TRDN: variants seen among roughly 807,000 people sequenced by gnomAD.
TRDN encodes triadin, also known as triadin in skeletal muscle.
TRDN carries 161 observed loss-of-function variants against 149.7 expected under a neutral mutation model. The ratio of observed to expected loss-of-function variants is 1.08; its 90% CI spans 0.95 to 1.23. The LOEUF is 1.23. Ranked by LOEUF, TRDN falls within the 50% of genes most tolerant of loss-of-function variation. The probability of loss-of-function intolerance (pLI) is 0.00; values close to 1 mark genes in which losing one functional copy is unlikely to be tolerated. For synonymous variants in TRDN, 294 were observed against 250.5 expected (o/e 1.17, Z -1.64); for missense variants, 896 against 823.5 (o/e 1.09, Z -1.08).
chr6:123,266,665 G>GTATTATAATATA lies in TRDN; in HGVS notation c.1783+1041_1783+1042insTATATTATAATA, dbSNP rs1562237747. On this transcript the variant is annotated intron_variant, in intron 32 of 40. Transcript: ENST00000334268. Reference sequence around the variant, plus strand: ...TATATTATAATAATATGTATAATATGTATATATTATAATATATATGTAATA... The same window carrying GTATTATAATATA: ...TATATTATAATAATATGTATAATATGTATTATAATATATATATATTATAATATATATGTAATA... Among the ~76,000 whole-genome samples, 2 of 4,134 alleles carry GTATTATAATATA rather than the reference G, an allele frequency of 4.8e-4. 1 individual carries two copies. Among genetic ancestry groups the GTATTATAATATA allele is most frequent in the Non-Finnish European group, 7.3e-4 (2 of 2,738 alleles). 2.7% of individuals were successfully genotyped at this position (4,134 alleles called of 152,430 possible).
intron 9 of TRDN, among the ~76,000 whole-genome samples, chr6:123,465,339 G>A (rs1716811953): frequency 6.6e-6 from 1 of 151,822 alleles, no homozygotes. Context: ...GAAGCTGAGG[G>A]GGAATCTTAA....
intron 8 of TRDN, among the ~76,000 whole-genome samples, chr6:123,501,062 GTGTGTGTGTGTC>G (rs1381213733): frequency 3.3e-5 from 5 of 151,690 alleles, no homozygotes; most frequent in Non-Finnish European, 5.9e-5. Context: ...TTTGATGGGT[GTGTGTGTGTGTC>G]TGTGTGTGTG....
chr6:123,406,341 A>G (rs943858484), intron 12 of TRDN, among the ~76,000 whole-genome samples: 3 of 152,148 alleles, frequency 2.0e-5, no homozygotes, highest in African/African-American at 7.2e-5. Context: ...ACAGTGTTTA[A>G]AAAGTCTTTG....
At chr6:123,497,863 T>A (rs1184179219) in intron 8 of TRDN, among the ~76,000 whole-genome samples, 1 of 152,154 alleles carries the variant, frequency 6.6e-6, no homozygotes, top group Non-Finnish European at 1.5e-5. Flanking sequence ...ATGAGTAATC[T>A]TCTTAAGATC....
intron 1 of TRDN, among the ~76,000 whole-genome samples, chr6:123,615,749 G>A (rs1297328631): frequency 6.6e-6 from 1 of 152,166 alleles, no homozygotes; most frequent in Non-Finnish European, 1.5e-5. Context: ...AGGCTAGAAA[G>A]TGTGGGGATG....
intron 2 of TRDN, among the ~76,000 whole-genome samples, chr6:123,562,623 A>G (rs902416663): frequency 3.3e-5 from 5 of 152,230 alleles, no homozygotes; most frequent in Non-Finnish European, 5.9e-5. Flanking sequence ...ATTTTGTTAT[A>G]TCAGCCAAAA....
intron 1 of TRDN, among the ~76,000 whole-genome samples, chr6:123,582,302 G>A (rs1342991116): frequency 6.6e-6 from 1 of 152,088 alleles, no homozygotes; most frequent in Non-Finnish European, 1.5e-5. Context: ...TCAATAGACA[G>A]GTGTGTCTGG....
At chr6:123,412,684 G>GC (rs2114517679) in intron 12 of TRDN, among the ~76,000 whole-genome samples, 1 of 152,216 alleles carries the variant, frequency 6.6e-6, no homozygotes, top group African/African-American at 2.4e-5. Flanking sequence ...TGTAGGCTCA[G>GC]CTGGGAACTT....
intron 2 of TRDN, among the ~76,000 whole-genome samples, chr6:123,570,012 C>T (rs759800354): frequency 1.3e-5 from 2 of 152,120 alleles, no homozygotes; most frequent in African/African-American, 2.4e-5. Flanking sequence ...CATCTCCTGA[C>T]ACAAAGAATA....
chr6:123,265,458 A>G, intron 32 of TRDN, 120 bp from the exon 33 acceptor site: 1 of 579,604 alleles, frequency 1.7e-6, no homozygotes, highest in Non-Finnish European at 2.8e-6. Flanking sequence ...CTAAACTTAT[A>G]TCAACAATGA....
intron 9 of TRDN, among the ~76,000 whole-genome samples, chr6:123,479,062 A>T (rs1777626375): frequency 6.6e-6 from 1 of 152,212 alleles, no homozygotes; most frequent in Non-Finnish European, 1.5e-5. Flanking sequence ...TAAATGAGTG[A>T]GTAAACAAAT....
At position 123,464,883 on chromosome 6, in the gene TRDN, T is replaced by A. The variant is rs751478133; in HGVS notation, c.931+23A>T. On this transcript the variant is annotated intron_variant, in intron 10 of 40. Transcript: ENST00000334268. The stretch of plus-strand genomic sequence containing the variant: ...TCTATTTTATCTACAATAGAGATCT[T>A]TAAGAAAAAAAAAAGTACTTGCCTT... The A allele has an allele frequency of 1.9e-6, 3 of 1,559,102 alleles. No homozygotes were observed. In the Admixed American group the frequency reaches 5.8e-5, roughly 30 times the overall value.
intron 18 of TRDN, among the ~76,000 whole-genome samples, chr6:123,376,316 A>C (rs139140157): frequency 1.6e-3 from 246 of 152,308 alleles, no homozygotes; most frequent in African/African-American, 5.6e-3. Flanking sequence ...TCTGTAAAGT[A>C]GACAAAACAT....
intron 9 of TRDN, among the ~76,000 whole-genome samples, chr6:123,493,080 G>C (rs988310480): frequency 3.3e-5 from 5 of 152,140 alleles, no homozygotes; most frequent in African/African-American, 1.2e-4. Flanking sequence ...TCTCTGGAGA[G>C]GGGAGATCTT....
intron 9 of TRDN, among the ~76,000 whole-genome samples, chr6:123,481,503 T>A (rs1308842943): frequency 6.6e-6 from 1 of 151,908 alleles, no homozygotes; most frequent in Non-Finnish European, 1.5e-5. Flanking sequence ...GGAGAAAATA[T>A]ATAGCCATTT....
intron 2 of TRDN, among the ~76,000 whole-genome samples, chr6:123,559,072 C>T (rs941302444): frequency 6.6e-6 from 1 of 152,224 alleles, no homozygotes; most frequent in Non-Finnish European, 1.5e-5. Context: ...CTGACTGACT[C>T]CTTCCCAGAT....
intron 24 of TRDN, among the ~76,000 whole-genome samples, chr6:123,315,633 G>A (rs1207398127): frequency 6.6e-6 from 1 of 151,844 alleles, no homozygotes; most frequent in African/African-American, 2.4e-5. Flanking sequence ...TCACTCTACA[G>A]AGAGATATAG....
chr6:123,580,827 T>C (rs1012068330), intron 1 of TRDN, among the ~76,000 whole-genome samples: 1 of 152,232 alleles, frequency 6.6e-6, no homozygotes, highest in Non-Finnish European at 1.5e-5. Context: ...AGTTGGTGTT[T>C]CCAAGTGGTC....
chr6:123,219,074 T>C (rs918221720), intron 40 of TRDN, among the ~76,000 whole-genome samples: 1 of 151,920 alleles, frequency 6.6e-6, no homozygotes, highest in African/African-American at 2.4e-5. Context: ...TCTGTTGATG[T>C]GCATAGCAAT....
Sources: gnomAD v4.1 joint callset for allele counts (sites outside exome capture counted in the v4.1 genomes callset) on GRCh38, gnomAD v4.1.1 for gene constraint, MANE v1.5 for transcripts, NCBI Gene and HGNC (gene_info 2026-07-23, HGNC 2026-07-21) for gene names.